The following DKC1 variants were observed in gnomAD, a reference collection of about 807,000 sequenced individuals.
DKC1 encodes dyskerin pseudouridine synthase 1.
A neutral mutation model predicts 46.7 loss-of-function variants in DKC1; 4 were observed. The ratio of observed to expected loss-of-function variants is 0.09; its 90% CI spans 0.04 to 0.20. DKC1 has a LOEUF of 0.20. DKC1 is among the 10% of genes least tolerant of loss of function. The pLI, the probability that DKC1 is intolerant of heterozygous loss-of-function variation, is 1.00. For synonymous variants in DKC1, 141 were observed against 142.4 expected (o/e 0.99, Z 0.07); for missense variants, 171 against 404.2 (o/e 0.42, Z 4.95).
In DKC1 at chrX:154,774,749, C is replaced by T. The variant is rs782797467; in HGVS notation, c.1259+44C>T. Reference sequence around the variant, plus strand: ...AGAGCCGGGGTGGGTAGAGACGGCACACTTGCTGCCTTGATGCAGGAGTAT... The same window carrying T: ...AGAGCCGGGGTGGGTAGAGACGGCATACTTGCTGCCTTGATGCAGGAGTAT... On this transcript the variant is annotated intron_variant, in intron 12 of 14. Coordinates refer to ENST00000369550, the MANE Select transcript of DKC1 (RefSeq NM_001363.5). The T allele has an allele frequency of 1.1e-5, 12 of 1,061,846 alleles. No homozygotes were observed. The South Asian group carries it at 1.3e-4, about 12-fold the overall frequency. The allele number at this position is 1,061,846 out of a possible 1,213,427, so 87.5% of individuals were successfully genotyped here. A position where few individuals can be genotyped will look rare whatever the true frequency, so the allele number is the denominator to read the frequency against.
At chrX:154,770,025 T>G (rs1227695507) in intron 9 of DKC1, among the ~76,000 whole-genome samples, 3 of 111,621 alleles carry the variant, frequency 2.7e-5, no homozygotes, top group African/African-American at 9.8e-5. Context: ...ACCAAGACTT[T>G]TGTGTGATTG....
chrX:154,765,046 T>A, intron 2 of DKC1, 80 bp downstream of exon 2: 28 of 901,125 alleles, frequency 3.1e-5, no homozygotes, highest in Non-Finnish European at 4.4e-5. Flanking sequence ...AGAAGTGTTT[T>A]TAAAGGTTTC....
intron 1 of DKC1, among the ~76,000 whole-genome samples, 179 bp downstream of exon 1, chrX:154,763,160 A>G (rs1557263771): frequency 8.9e-6 from 1 of 111,783 alleles, no homozygotes; most frequent in African/African-American, 3.3e-5. Context: ...CAAGGGCGCG[A>G]GAGTGGGAGC....
chrX:154,774,785 G>C (rs782233394), intron 12 of DKC1, 80 bp downstream of exon 12: 12 of 868,797 alleles, frequency 1.4e-5, no homozygotes, highest in Non-Finnish European at 2.0e-5. Flanking sequence ...GTCAACAACA[G>C]GTGAGGATGG....
At chrX:154,768,806 A>T (rs1370949363) in intron 8 of DKC1, 10 of 275,129 alleles carry the variant, frequency 3.6e-5, no homozygotes, top group Non-Finnish European at 6.5e-5. Context: ...TAACAAGGTG[A>T]AACCCCGTCT....
rs143263287 is a variant in DKC1 at position 154,776,907 on chromosome X, T to C, written c.*40T>C. ...AGCTGGAGGAGAAACTAAAGCCTTA[T>C]TGAGAAAACATGTTATAGATCCTTT... is the stretch of plus-strand genomic sequence containing the variant. On this transcript the variant is annotated 3_prime_UTR_variant, in exon 15 of 15. Coordinates refer to ENST00000369550, the MANE Select transcript of DKC1 (RefSeq NM_001363.5). The C allele has an allele frequency of 1.6e-3, 1,681 of 1,071,172 alleles. 19 individuals carry two copies. In the African/African-American group the frequency reaches 0.028, roughly 18 times the overall value. The allele number at this position is 1,071,172 out of a possible 1,213,427, so 88.3% of individuals were successfully genotyped here.
At chrX:154,772,494 A>G (rs1162910020) in intron 10 of DKC1, among the ~76,000 whole-genome samples, 1 of 112,090 alleles carries the variant, frequency 8.9e-6, no homozygotes, top group Non-Finnish European at 1.9e-5. Context: ...CTGTAGCTCT[A>G]TACTATAATT....
At chrX:154,768,247 A>G in intron 7 of DKC1, 55 bp from the exon 8 acceptor site, 2 of 1,196,526 alleles carry the variant, frequency 1.7e-6, no homozygotes, top group Non-Finnish European at 2.3e-6. Flanking sequence ...GCATTTCTCA[A>G]CCAGTGATGT....
Position 154,776,921 on chromosome X carries a change from T to A in DKC1, c.*54T>A. On this transcript the variant is annotated 3_prime_UTR_variant, in exon 15 of 15. Transcript: ENST00000369550. ...CTAAAGCCTTATTGAGAAAACATGT[T>A]ATAGATCCTTTTGTTGCTGAGAGAG... 1 of 1,017,794 alleles carries A rather than the reference T, an allele frequency of 9.8e-7. No individual in the cohort carries two copies. The highest frequency in any genetic ancestry group is 1.4e-6 in the Non-Finnish European group (1 of 737,764). 83.9% of individuals were successfully genotyped at this position (1,017,794 alleles called of 1,213,427 possible).
At chrX:154,768,210 T>A (rs781996923) in intron 7 of DKC1, 92 bp from the exon 8 acceptor site, 1 of 1,058,262 alleles carries the variant, frequency 9.4e-7, no homozygotes, top group Non-Finnish European at 1.3e-6. Context: ...TCACCTCTAG[T>A]CTTGGTGGCT....
intron 10 of DKC1, among the ~76,000 whole-genome samples, chrX:154,772,746 C>T (rs2071840033): frequency 8.9e-6 from 1 of 112,009 alleles, no homozygotes; most frequent in Non-Finnish European, 1.9e-5. Context: ...ATCAGGATTC[C>T]TTAGCTCTGT....
chrX:154,763,698 T>TCTTA (rs1343734189), intron 1 of DKC1, among the ~76,000 whole-genome samples: 2 of 112,050 alleles, frequency 1.8e-5, no homozygotes, highest in African/African-American at 6.5e-5. Flanking sequence ...ATCAGAGGGC[T>TCTTA]CTTACACAAA....
At chrX:154,763,173 C>T (rs1490215891) in intron 1 of DKC1, among the ~76,000 whole-genome samples, 192 bp downstream of exon 1, 1 of 112,027 alleles carries the variant, frequency 8.9e-6, no homozygotes, top group African/African-American at 3.2e-5. Context: ...GTGGGAGCCC[C>T]TCGCGGTGAC....
rs782547946 is a variant in DKC1 at position 154,774,874 on chromosome X, G to C, written c.1259+169G>C. On this transcript the variant is annotated intron_variant, in intron 12 of 14. Coordinates refer to ENST00000369550, the MANE Select transcript of DKC1 (RefSeq NM_001363.5). ...GGAACAGGTGAGCATGGAGGTTGTAGAGCCCAGGGGAGGGGGAGTCACTTG... is the reference window on the plus strand; with the variant it reads ...GGAACAGGTGAGCATGGAGGTTGTACAGCCCAGGGGAGGGGGAGTCACTTG... The C allele has an allele frequency of 7.0e-6, 4 of 572,421 alleles. No individual in the cohort carries two copies. In the East Asian group the frequency reaches 1.3e-4, roughly 19 times the overall value. 47.2% of individuals were successfully genotyped at this position (572,421 alleles called of 1,213,427 possible).
At position 154,762,887 on chromosome X, in the gene DKC1, T is replaced by C; in HGVS notation, c.-79T>C. ...GTGGGTGGGTCCTAGCAGCGCGGCC[T>C]GACGGGACCAAGGCGGCGGGAGTCT... On this transcript the variant is annotated 5_prime_UTR_variant, in exon 1 of 15. Transcript: ENST00000369550. The C allele has an allele frequency of 8.8e-7, 1 of 1,133,486 alleles. No homozygotes were observed. The highest frequency in any genetic ancestry group is 1.2e-6 in the Non-Finnish European group (1 of 841,967). The allele number at this position is 1,133,486 out of a possible 1,213,427, so 93.4% of individuals were successfully genotyped here.
intron 1 of DKC1, among the ~76,000 whole-genome samples, chrX:154,763,393 G>T (rs1284899152): frequency 1.5e-4 from 17 of 112,446 alleles, no homozygotes; most frequent in Non-Finnish European, 3.2e-4. Context: ...GGACCCCGGA[G>T]CAGGGATAGA....
chrX:154,775,732 A>G (rs2071887771), intron 13 of DKC1, among the ~76,000 whole-genome samples: 1 of 112,400 alleles, frequency 8.9e-6, no homozygotes, highest in Non-Finnish European at 1.9e-5. Flanking sequence ...GAGTCAGTCA[A>G]GCATGGGTTG....
intron 11 of DKC1, among the ~76,000 whole-genome samples, chrX:154,773,944 C>CA (rs1215574159): frequency 1.8e-5 from 2 of 110,648 alleles, no homozygotes; most frequent in African/African-American, 6.7e-5. Context: ...GACCCCCCCC[C>CA]ACCTCCCTCC....
At chrX:154,765,847 CTT>C (rs1404520097) in intron 3 of DKC1, 58 bp from the exon 4 acceptor site, 3 of 954,688 alleles carry the variant, frequency 3.1e-6, no homozygotes, top group East Asian at 3.1e-5. Context: ...GGTACTGACT[CTT>C]TTTTTACATG....
Sources: gnomAD v4.1 joint callset for allele counts (sites outside exome capture counted in the v4.1 genomes callset) on GRCh38, gnomAD v4.1.1 for gene constraint, MANE v1.5 for transcripts, NCBI Gene and HGNC (gene_info 2026-07-23, HGNC 2026-07-21) for gene names.